CADM2: variants seen among roughly 807,000 people sequenced by gnomAD.
CADM2 encodes the protein cell adhesion molecule 2.
A neutral mutation model predicts 49.8 loss-of-function variants in CADM2; 12 were observed. The observed-to-expected ratio is 0.24, with a 90% confidence interval of 0.15 to 0.39. The LOEUF (loss-of-function observed/expected upper bound fraction) is 0.39, where lower values mean the gene tolerates loss of function less well. Ranked by LOEUF, CADM2 falls within the 10% of genes least tolerant of loss-of-function variation. The pLI is 1.00. For synonymous variants in CADM2, 214 were observed against 175.4 expected, an observed-to-expected ratio of 1.22 and a Z score of -1.74; for missense variants, 378 against 492.3, an observed-to-expected ratio of 0.77 and a Z score of 2.20.
intron 1 of CADM2, among the ~76,000 whole-genome samples, chr3:85,243,798 A>G (rs1327594751): frequency 6.6e-6 from 1 of 152,066 alleles, no homozygotes; most frequent in Non-Finnish European, 1.5e-5. Flanking sequence ...GTCTTTATGG[A>G]CTTTTCATGA....
At chr3:85,177,826 C>A (rs563290120) in intron 1 of CADM2, among the ~76,000 whole-genome samples, 3 of 151,886 alleles carry the variant, frequency 2.0e-5, no homozygotes, top group Admixed American at 1.3e-4. Flanking sequence ...AATAGAAAAG[C>A]CGTAGTTGTC....
At chr3:85,034,619 C>A (rs1038747433) in intron 1 of CADM2, among the ~76,000 whole-genome samples, 7 of 151,926 alleles carry the variant, frequency 4.6e-5, no homozygotes, top group Non-Finnish European at 8.8e-5. Flanking sequence ...ACCAGTGGGA[C>A]TGCTGGATAG....
At chr3:86,019,659 T>C (rs2107016680) in intron 8 of CADM2, among the ~76,000 whole-genome samples, 1 of 152,238 alleles carries the variant, frequency 6.6e-6, no homozygotes, top group Admixed American at 6.5e-5. Flanking sequence ...GGGAGTTTAC[T>C]CATGATTTGG....
chr3:85,980,310 A>G (rs1727322091), intron 8 of CADM2, among the ~76,000 whole-genome samples: 1 of 151,500 alleles, frequency 6.6e-6, no homozygotes, highest in African/African-American at 2.4e-5. Flanking sequence ...TTGTTCAGTT[A>G]GATGGTTTTC....
intron 1 of CADM2, among the ~76,000 whole-genome samples, chr3:85,030,547 A>G (rs2034933371): frequency 6.6e-6 from 1 of 152,192 alleles, no homozygotes; most frequent in Non-Finnish European, 1.5e-5. Flanking sequence ...CTTTTGAGCC[A>G]TCTTCTGCTG....
In CADM2 at chr3:85,761,695, T is replaced by C. The variant is rs936691605; in HGVS notation, c.88+35147T>C. ...TGGCCACAAAACTTATTTTAATAGATACTGACTTTACACTAGTAATAGGAT... is the reference window on the plus strand; with the variant it reads ...TGGCCACAAAACTTATTTTAATAGACACTGACTTTACACTAGTAATAGGAT... On this transcript the variant is annotated intron_variant, in intron 2 of 9. Transcript: ENST00000383699. Among the ~76,000 whole-genome samples, 5 of 152,128 alleles carry C rather than the reference T, an allele frequency of 3.3e-5. No individual in the cohort carries two copies. In the South Asian group the frequency reaches 8.3e-4, roughly 25 times the overall value.
rs115636814 is a variant in CADM2, at chr3:85,963,813, T to C, written c.970+2166T>C. Among the ~76,000 whole-genome samples the C allele has an allele frequency of 2.8e-3, 423 of 152,020 alleles. 1 individual carries two copies. Among genetic ancestry groups the C allele is most frequent in the Non-Finnish European group, 4.7e-3 (317 of 67,926 alleles). On this transcript the variant is annotated intron_variant, in intron 8 of 9. Coordinates refer to ENST00000383699, the MANE Select transcript of CADM2 (RefSeq NM_001167675.2). ...GATGTATTTCTAATAAATACTTCCC[T>C]AAGCACTTTGTGAGAAGTCATTTTT...
At chr3:85,780,371 C>A (rs73845661) in intron 2 of CADM2, among the ~76,000 whole-genome samples, 7,724 of 152,194 alleles carry the variant, frequency 0.051, 552 homozygotes, top group African/African-American at 0.16. Flanking sequence ...TCAAAGCAAA[C>A]ATTCATGAAA....
Position 85,150,737 on chromosome 3 carries a change from C to T in CADM2, c.61+191069C>T, listed in dbSNP as rs115929196. ...GGCCAACATAGTGAAACCGTCTCTA[C>T]TAAAAAAAAAAGGAAAAAAAAATTA... On this transcript the variant is annotated intron_variant, in intron 1 of 9. Transcript: ENST00000383699. Among the ~76,000 whole-genome samples the T allele has an allele frequency of 2.0e-3, 297 of 148,178 alleles. 2 individuals are homozygous for T. Among genetic ancestry groups the T allele is most frequent in the African/African-American group, 7.1e-3 (285 of 40,420 alleles).
intron 1 of CADM2, among the ~76,000 whole-genome samples, chr3:85,724,717 T>C (rs1321899756): frequency 6.6e-6 from 1 of 151,942 alleles, no homozygotes; most frequent in Non-Finnish European, 1.5e-5. Flanking sequence ...CAAATTTTAT[T>C]TTTTATCGTT....
rs764519263 is a variant in CADM2 at position 85,858,616 on chromosome 3, C to T, written c.239-24675C>T. ...TGGCTGAAATGTTGGCAGGTTTCTG[C>T]ACCTGCAATGATAATAAACTACTCC... On this transcript the variant is annotated intron_variant, in intron 3 of 9. Coordinates refer to ENST00000383699, the MANE Select transcript of CADM2 (RefSeq NM_001167675.2). Among the ~76,000 whole-genome samples, 129 of 152,348 alleles carry T rather than the reference C, an allele frequency of 8.5e-4. 5 individuals carry two copies. The Middle Eastern group carries it at 0.02, about 24-fold the overall frequency.
chr3:85,439,296 G>T (rs1179880625), intron 1 of CADM2, among the ~76,000 whole-genome samples: 1 of 151,780 alleles, frequency 6.6e-6, no homozygotes, highest in East Asian at 2.0e-4. Context: ...TGGGATTACA[G>T]GCATGCACCA....
chr3:85,453,248 A>G (rs551134344), intron 1 of CADM2, among the ~76,000 whole-genome samples: 1 of 152,180 alleles, frequency 6.6e-6, no homozygotes, highest in East Asian at 1.9e-4. Context: ...ATATGTAGTG[A>G]AAAATAAATG....
chr3:85,640,754 A>G (rs2064685425), intron 1 of CADM2, among the ~76,000 whole-genome samples: 1 of 152,238 alleles, frequency 6.6e-6, no homozygotes, highest in Admixed American at 6.5e-5. Context: ...ACCTTAAAGG[A>G]TAAATGAATG....
intron 1 of CADM2, among the ~76,000 whole-genome samples, chr3:85,276,874 A>G (rs2043367947): frequency 6.6e-6 from 1 of 151,376 alleles, no homozygotes; most frequent in Non-Finnish European, 1.5e-5. Context: ...GGGGCAGTAT[A>G]CTGGAAAGGC....
intron 1 of CADM2, among the ~76,000 whole-genome samples, chr3:85,282,865 T>C (rs2043539457): frequency 6.6e-6 from 1 of 152,082 alleles, no homozygotes; most frequent in Non-Finnish European, 1.5e-5. Flanking sequence ...AAAGAATACA[T>C]TGTATGCTTA....
At chr3:85,604,268 C>T (rs1334615830) in intron 1 of CADM2, among the ~76,000 whole-genome samples, 1 of 151,862 alleles carries the variant, frequency 6.6e-6, no homozygotes, top group Non-Finnish European at 1.5e-5. Flanking sequence ...GGACTTTGCT[C>T]AGAGAGATCA....
chr3:85,701,870 T>G (rs925105666), intron 1 of CADM2, among the ~76,000 whole-genome samples: 1 of 85,024 alleles, frequency 1.2e-5, no homozygotes, highest in African/African-American at 3.7e-5. Context: ...GATAGATAGA[T>G]AGATAGATAG....
At chr3:84,986,237 A>T (rs2032541798) in intron 1 of CADM2, among the ~76,000 whole-genome samples, 1 of 152,188 alleles carries the variant, frequency 6.6e-6, no homozygotes, top group Non-Finnish European at 1.5e-5. Flanking sequence ...AAATTTGTTC[A>T]GGCATTTGTG....
Sources: gnomAD v4.1 joint callset for allele counts (sites outside exome capture counted in the v4.1 genomes callset) on GRCh38, gnomAD v4.1.1 for gene constraint, MANE v1.5 for transcripts, NCBI Gene and HGNC (gene_info 2026-07-23, HGNC 2026-07-21) for gene names.